RIMKLA: variants seen among roughly 807,000 people sequenced by gnomAD.
RIMKLA encodes the protein ribosomal modification protein rimK like family member A, also known as N-acetylaspartylglutamate synthase A.
In RIMKLA, 14 loss-of-function variants were observed where a neutral mutation model predicts 32.7. That is an observed-to-expected ratio of 0.43 (90% confidence interval 0.28 to 0.67). The LOEUF is 0.67. Ranked by LOEUF, RIMKLA falls within the 30% of genes least tolerant of loss-of-function variation. The probability of loss-of-function intolerance (pLI) is 0.18; values close to 1 mark genes in which losing one functional copy is unlikely to be tolerated. For missense variants in RIMKLA, 410 were observed against 519.0 expected, an observed-to-expected ratio of 0.79 and a Z score of 2.04; for synonymous variants, 176 against 204.1, an observed-to-expected ratio of 0.86 and a Z score of 1.18.
Position 42,415,346 on chromosome 1 carries a change from C to T in RIMKLA, c.*372C>T, listed in dbSNP as rs1643237386. ...CTCAAAAGCAACCACGGGATGGAAG[C>T]ATGTGCAGACGAGGTGGAATGTGAC... On this transcript the variant is annotated 3_prime_UTR_variant, in exon 5 of 5. Coordinates refer to ENST00000431473, the MANE Select transcript of RIMKLA (RefSeq NM_173642.4). 2 of 211,490 alleles carry T rather than the reference C, an allele frequency of 9.5e-6. No individual in the cohort carries two copies. Among genetic ancestry groups the T allele is most frequent in the South Asian group, 1.8e-4 (2 of 11,178 alleles). The allele number at this position is 211,490 out of a possible 1,614,324, so 13.1% of individuals were successfully genotyped here. A position where few individuals can be genotyped will look rare whatever the true frequency, so the allele number is the denominator to read the frequency against.
chr1:42,400,710 A>G (rs904938405), intron 2 of RIMKLA, among the ~76,000 whole-genome samples: 1 of 152,166 alleles, frequency 6.6e-6, no homozygotes, highest in Non-Finnish European at 1.5e-5. Flanking sequence ...AGTTTGGGAC[A>G]TGATCTGTTT....
At chr1:42,388,507 C>T (rs1393626578) in intron 1 of RIMKLA, among the ~76,000 whole-genome samples, 1 of 145,844 alleles carries the variant, frequency 6.9e-6, no homozygotes, top group African/African-American at 2.5e-5. Flanking sequence ...GCTTGGCCCA[C>T]TGAAAGCTTG....
chr1:42,380,843 G>A lies in RIMKLA; in HGVS notation c.-92G>A, dbSNP rs1487327970. The A allele has an allele frequency of 2.4e-6, 2 of 835,934 alleles. No individual in the cohort carries two copies. Among genetic ancestry groups the A allele is most frequent in the African/African-American group, 1.8e-5 (1 of 54,716 alleles). The allele number at this position is 835,934 out of a possible 1,614,324, so 51.8% of individuals were successfully genotyped here. The stretch of plus-strand genomic sequence containing the variant: ...AGCGGAGCCGTGGCGCGCTCGCCCC[G>A]GACGCCGGCCGCCCCTCCGCTCGCC... On this transcript the variant is annotated 5_prime_UTR_variant, in exon 1 of 5. Transcript: ENST00000431473.
At chr1:42,392,882 C>G (rs561057968) in intron 1 of RIMKLA, among the ~76,000 whole-genome samples, 7 of 152,274 alleles carry the variant, frequency 4.6e-5, no homozygotes, top group Non-Finnish European at 8.8e-5. Context: ...GTCCCAGCTA[C>G]TCAGGAAGCT....
rs1298423953 is a variant in RIMKLA at position 42,417,760 on chromosome 1, A to G, written c.*2786A>G. ...ATCATGAGGTCAGGAGATTGAGACC[A>G]TTCTGGCTAACACAGTGAACAAAAA... On this transcript the variant is annotated 3_prime_UTR_variant, in exon 5 of 5. Coordinates refer to ENST00000431473, the MANE Select transcript of RIMKLA (RefSeq NM_173642.4). 1.3e-5 allele frequency: 2 copies of G among 152,278 alleles called. No homozygotes were observed. Among genetic ancestry groups the G allele is most frequent in the Non-Finnish European group, 2.9e-5 (2 of 68,118 alleles). 9.4% of individuals were successfully genotyped at this position (152,278 alleles called of 1,614,324 possible).
At chr1:42,409,845 G>T in intron 3 of RIMKLA, 139 bp from the exon 4 acceptor site, 1 of 701,758 alleles carries the variant, frequency 1.4e-6, no homozygotes, top group Non-Finnish European at 2.5e-6. Flanking sequence ...AGAAACAAAA[G>T]TCTAGCAGAG....
intron 1 of RIMKLA, 141 bp from the exon 2 acceptor site, chr1:42,399,263 C>T (rs1643074280): frequency 8.1e-6 from 5 of 618,280 alleles, no homozygotes; most frequent in African/African-American, 1.8e-5. Flanking sequence ...ATAGAGTTTC[C>T]TTGTACACCA....
intron 1 of RIMKLA, among the ~76,000 whole-genome samples, chr1:42,385,467 C>G (rs1642927600): frequency 6.6e-6 from 1 of 152,126 alleles, no homozygotes; most frequent in South Asian, 2.1e-4. Context: ...GATGATTCAG[C>G]ATTCCTTCCC....
At chr1:42,386,681 G>GA (rs1642950700) in intron 1 of RIMKLA, among the ~76,000 whole-genome samples, 3 of 148,494 alleles carry the variant, frequency 2.0e-5, no homozygotes, top group Non-Finnish European at 3.0e-5. Flanking sequence ...TTCAAGATCA[G>GA]CCTGGCCAAC....
At chr1:42,391,752 AGAG>A (rs1398057891) in intron 1 of RIMKLA, among the ~76,000 whole-genome samples, 1 of 152,164 alleles carries the variant, frequency 6.6e-6, no homozygotes, top group Non-Finnish European at 1.5e-5. Context: ...TGATATGAAC[AGAG>A]GAGAAGGACT....
intron 2 of RIMKLA, among the ~76,000 whole-genome samples, chr1:42,401,309 T>TCCTACTTTA (rs1394426565): frequency 5.3e-5 from 8 of 152,100 alleles, no homozygotes; most frequent in African/African-American, 1.9e-4. Flanking sequence ...TTATTAGGGT[T>TCCTACTTTA]GGGGACTCCT....
intron 3 of RIMKLA, among the ~76,000 whole-genome samples, chr1:42,407,480 C>A (rs536959210): frequency 6.6e-6 from 1 of 152,172 alleles, no homozygotes; most frequent in African/African-American, 2.4e-5. Context: ...GTCTTTGATA[C>A]ATTTTGAGTT....
intron 4 of RIMKLA, among the ~76,000 whole-genome samples, chr1:42,413,363 T>G (rs1402831391): frequency 2.0e-5 from 3 of 150,712 alleles, no homozygotes; most frequent in Non-Finnish European, 4.4e-5. Context: ...TAGCTGGGTG[T>G]AGTGGCGGGC....
intron 3 of RIMKLA, among the ~76,000 whole-genome samples, chr1:42,407,341 C>T (rs1024650979): frequency 3.3e-5 from 4 of 121,916 alleles, no homozygotes; most frequent in African/African-American, 1.2e-4. Flanking sequence ...TTGGTAAAGT[C>T]TAACTTGTCT....
intron 1 of RIMKLA, among the ~76,000 whole-genome samples, chr1:42,383,776 A>T (rs1205213718): frequency 6.6e-6 from 1 of 152,226 alleles, no homozygotes; most frequent in African/African-American, 2.4e-5. Context: ...AATGCCATCC[A>T]GCTAGTTAAC....
At chr1:42,414,240 T>TC (rs34145470) in intron 4 of RIMKLA, among the ~76,000 whole-genome samples, 61,622 of 151,792 alleles carry the variant, frequency 0.41, 13,080 homozygotes, top group Middle Eastern at 0.55. Flanking sequence ...AAGCTTTTTT[T>TC]CCCCCATATA....
chr1:42,387,666 C>T (rs1215680178), intron 1 of RIMKLA, among the ~76,000 whole-genome samples: 1 of 152,110 alleles, frequency 6.6e-6, no homozygotes, highest in African/African-American at 2.4e-5. Flanking sequence ...AGGCTTCACG[C>T]TCATTATTAT....
intron 1 of RIMKLA, among the ~76,000 whole-genome samples, chr1:42,392,011 A>G (rs2148386173): frequency 6.6e-6 from 1 of 152,256 alleles, no homozygotes; most frequent in African/African-American, 2.4e-5. Flanking sequence ...CAACTTCTTG[A>G]AGGGCCTTTC....
rs983180181 is a variant in RIMKLA, at chr1:42,419,139, C to A, written c.*4165C>A. Reference sequence around the variant, plus strand: ...CTTCTAAGGGCTATAATGTTATAATCTTTTCCTAAAACTAAATCATGCCTC... The same window carrying A: ...CTTCTAAGGGCTATAATGTTATAATATTTTCCTAAAACTAAATCATGCCTC... On this transcript the variant is annotated 3_prime_UTR_variant, in exon 5 of 5. Coordinates refer to ENST00000431473, the MANE Select transcript of RIMKLA (RefSeq NM_173642.4). 9 of 152,212 alleles carry A rather than the reference C, an allele frequency of 5.9e-5. No homozygotes were observed. Among genetic ancestry groups the A allele is most frequent in the African/African-American group, 1.9e-4 (8 of 41,456 alleles). The allele number at this position is 152,212 out of a possible 1,614,324, so 9.4% of individuals were successfully genotyped here. A position where few individuals can be genotyped will look rare whatever the true frequency, so the allele number is the denominator to read the frequency against.
Sources: gnomAD v4.1 joint callset for allele counts (sites outside exome capture counted in the v4.1 genomes callset) on GRCh38, gnomAD v4.1.1 for gene constraint, MANE v1.5 for transcripts, NCBI Gene and HGNC (gene_info 2026-07-23, HGNC 2026-07-21) for gene names.